The following IQGAP1 variants were observed in gnomAD, a reference collection of about 807,000 sequenced individuals.
IQGAP1 encodes the protein ras GTPase-activating-like protein IQGAP1.
A neutral mutation model predicts 215.6 loss-of-function variants in IQGAP1; 66 were observed. That is an observed-to-expected ratio of 0.31 (90% CI 0.25 to 0.38). The LOEUF is 0.38. Among genes scored for constraint, IQGAP1 ranks in the 10% least tolerant of loss-of-function variants. The pLI, the probability that IQGAP1 is intolerant of heterozygous loss-of-function variation, is 1.00. For missense variants in IQGAP1, 1,712 were observed against 1,997.1 expected (o/e 0.86, Z 2.72); for synonymous variants, 772 against 728.7 (o/e 1.06, Z -0.96).
In IQGAP1 at chr15:90,474,687, G is replaced by A. The variant is rs200745522; in HGVS notation, c.2778G>A (p.Thr926=). 1.9e-5 allele frequency: 31 copies of A among 1,611,812 alleles called. No homozygotes were observed. Among genetic ancestry groups the A allele is most frequent in the Admixed American group, 5.0e-5 (3 of 60,018 alleles). The stretch of plus-strand genomic sequence containing the variant: ...GACTGCTAGTGAAAAATAAGATTAC[G>A]TTGCAGGTATGGCCCAGTGCCAGCG... ...KIGLLVKNKI[T]LQDVVSHSKK... The change falls in exon 23 of 38, where the codon ACG becomes ACA. Residue 926 remains threonine (T), a synonymous_variant. Coordinates refer to ENST00000268182, the MANE Select transcript of IQGAP1 (RefSeq NM_003870.4).
chr15:90,481,197 G>A (rs1486429664), intron 26 of IQGAP1, among the ~76,000 whole-genome samples: 3 of 151,372 alleles, frequency 2.0e-5, no homozygotes, highest in Non-Finnish European at 4.4e-5. Context: ...TGGCTGTGTG[G>A]TTCCAGCCTC....
In IQGAP1 at chr15:90,486,062, G is replaced by A. The variant is rs572057147; in HGVS notation, c.3954G>A (p.Pro1318=). ...LLLDHQDAIA[P]EHNDPIHELL... is the part of the protein sequence containing the mutation. ...TGGATCACCAGGATGCCATTGCTCC[G>A]GAGCACAATGATCCAATCCACGAAC... Residue 1318 remains proline, a synonymous_variant, in exon 31 of 38, where the codon CCG becomes CCA. Transcript: ENST00000268182. 8.1e-6 allele frequency: 13 copies of A among 1,613,812 alleles called. No individual in the cohort carries two copies. The highest frequency in any genetic ancestry group is 5.3e-5 in the African/African-American group (4 of 74,992).
intron 2 of IQGAP1, among the ~76,000 whole-genome samples, chr15:90,412,445 T>G (rs1964980102): frequency 6.6e-6 from 1 of 152,222 alleles, no homozygotes; most frequent in South Asian, 2.1e-4. Flanking sequence ...TTAATTCCTG[T>G]GTAAATCCTT....
intron 32 of IQGAP1, 76 bp downstream of exon 32, chr15:90,487,165 G>T: frequency 2.8e-6 from 4 of 1,452,898 alleles, no homozygotes; most frequent in Non-Finnish European, 3.8e-6. Context: ...AACCTGCTGG[G>T]TCCTACCTGA....
intron 7 of IQGAP1, among the ~76,000 whole-genome samples, 182 bp from the exon 8 acceptor site, chr15:90,441,324 A>G (rs1456100518): frequency 6.6e-6 from 1 of 152,140 alleles, no homozygotes; most frequent in East Asian, 1.9e-4. Context: ...ACTGTAAGGA[A>G]GAGGCTAGGC....
At chr15:90,392,748 C>CTTTTTTTTTTTTTTTTTTTTTTTT (rs10701656) in intron 2 of IQGAP1, among the ~76,000 whole-genome samples, 1 of 117,826 alleles carries the variant, frequency 8.5e-6, no homozygotes. Context: ...ATGTTTCTAT[C>CTTTTTTTTTTTTTTTTTTTTTTTT]TTTTTTTTTT....
intron 5 of IQGAP1, among the ~76,000 whole-genome samples, chr15:90,436,632 A>T (rs1965374733): frequency 6.6e-6 from 1 of 152,242 alleles, no homozygotes; most frequent in Non-Finnish European, 1.5e-5. Context: ...GTGCAGTTAC[A>T]GGCTGACGCA....
At chr15:90,430,428 T>G (rs935646579) in intron 4 of IQGAP1, among the ~76,000 whole-genome samples, 1 of 152,128 alleles carries the variant, frequency 6.6e-6, no homozygotes, top group African/African-American at 2.4e-5. Flanking sequence ...TACAGAAGGA[T>G]TTTTTAGCAT....
chr15:90,443,486 T>C lies in IQGAP1; in HGVS notation c.913+8T>C, dbSNP rs375943753. On this transcript the variant is annotated splice_region_variant and intron_variant, in intron 9 of 37. Transcript: ENST00000268182. ...ATATAAACAAAGTCAATAGTAAGTATGTTCCTGAATCAGGCACCTAAAGGG... is the reference window on the plus strand; with the variant it reads ...ATATAAACAAAGTCAATAGTAAGTACGTTCCTGAATCAGGCACCTAAAGGG... 1.3e-6 allele frequency: 2 copies of C among 1,542,100 alleles called. No individual in the cohort carries two copies. Among genetic ancestry groups the C allele is most frequent in the Non-Finnish European group, 1.8e-6 (2 of 1,114,998 alleles).
At chr15:90,441,216 C>A (rs1225814353) in intron 7 of IQGAP1, among the ~76,000 whole-genome samples, 1 of 152,154 alleles carries the variant, frequency 6.6e-6, no homozygotes, top group Non-Finnish European at 1.5e-5. Flanking sequence ...ATCTCCAGAG[C>A]AAGTGTTCCT....
At chr15:90,427,625 A>T (rs1249121827) in intron 3 of IQGAP1, among the ~76,000 whole-genome samples, 1 of 152,116 alleles carries the variant, frequency 6.6e-6, no homozygotes, top group African/African-American at 2.4e-5. Context: ...CTGTAATCCC[A>T]GCCACTCAGG....
chr15:90,428,360 A>T (rs1168488152), intron 3 of IQGAP1, among the ~76,000 whole-genome samples: 4 of 152,130 alleles, frequency 2.6e-5, no homozygotes, highest in East Asian at 1.9e-4. Context: ...TACAGGCATG[A>T]GCCACTGTGC....
At chr15:90,487,432 C>T (rs756407251) in intron 32 of IQGAP1, 63 bp from the exon 33 acceptor site, 8 of 1,175,986 alleles carry the variant, frequency 6.8e-6, no homozygotes, top group East Asian at 2.4e-5. Context: ...GCTGCTGCTT[C>T]GGTCCACTTG....
chr15:90,426,342 T>C, intron 3 of IQGAP1, 76 bp downstream of exon 3: 1 of 1,482,730 alleles, frequency 6.7e-7, no homozygotes, highest in Non-Finnish European at 9.1e-7. Flanking sequence ...GTGTAAGAGT[T>C]ATTGAGAAGT....
intron 36 of IQGAP1, among the ~76,000 whole-genome samples, chr15:90,495,888 C>A (rs568673473): frequency 2.0e-5 from 3 of 150,124 alleles, no homozygotes; most frequent in African/African-American, 7.3e-5. Flanking sequence ...ATTCACCCAC[C>A]TCAGCCTCCT....
At position 90,479,421 on chromosome 15, in the gene IQGAP1, G is replaced by C. The variant is rs115366871; in HGVS notation, c.3329+1532G>C. On this transcript the variant is annotated intron_variant, in intron 26 of 37. Coordinates refer to ENST00000268182, the MANE Select transcript of IQGAP1 (RefSeq NM_003870.4). ...GGGAGTTTTACGCTGGGTGGAGAAC[G>C]GAACATTCTGCTGACTCCTTGAAAG... Among the ~76,000 whole-genome samples, 1,449 of 151,972 alleles carry C rather than the reference G, an allele frequency of 9.5e-3. 19 individuals carry two copies. Among genetic ancestry groups the C allele is most frequent in the African/African-American group, 0.032 (1,322 of 41,416 alleles).
intron 33 of IQGAP1, among the ~76,000 whole-genome samples, chr15:90,488,216 G>T (rs147073581): frequency 0.013 from 1,636 of 128,610 alleles, 28 homozygotes; most frequent in African/African-American, 0.057. Context: ...GCGAGACTCC[G>T]TCTCAAAAAA....
chr15:90,480,220 TAAA>T (rs999179798), intron 26 of IQGAP1, among the ~76,000 whole-genome samples: 3 of 92,442 alleles, frequency 3.2e-5, no homozygotes, highest in Non-Finnish European at 4.2e-5. Context: ...CCCCATATCT[TAAA>T]AAAAAAAAAA....
Position 90,500,759 on chromosome 15 carries a change from C to T in IQGAP1, c.*651C>T, listed in dbSNP as rs1157623531. ...TTTAAATTTCATTATCAAACTTGGGCAATTCTGTTTGTGTAACTCCCCGAC... is the reference window on the plus strand; with the variant it reads ...TTTAAATTTCATTATCAAACTTGGGTAATTCTGTTTGTGTAACTCCCCGAC... On this transcript the variant is annotated 3_prime_UTR_variant, in exon 38 of 38. Coordinates refer to ENST00000268182, the MANE Select transcript of IQGAP1 (RefSeq NM_003870.4). 2 of 152,218 alleles carry T rather than the reference C, an allele frequency of 1.3e-5. 1 individual carries two copies. The highest frequency in any genetic ancestry group is 4.8e-5 in the African/African-American group (2 of 41,426). The allele number at this position is 152,218 out of a possible 1,614,324, so 9.4% of individuals were successfully genotyped here.
Sources: gnomAD v4.1 joint callset for allele counts (sites outside exome capture counted in the v4.1 genomes callset) on GRCh38, gnomAD v4.1.1 for gene constraint, MANE v1.5 for transcripts, NCBI Gene and HGNC (gene_info 2026-07-23, HGNC 2026-07-21) for gene names.